DHX57: variants seen among roughly 807,000 people sequenced by gnomAD.
DHX57 encodes the protein DExH-box helicase 57.
Under a neutral mutation model 156.2 loss-of-function variants are expected in DHX57, and 105 were observed. The ratio of observed to expected loss-of-function variants is 0.67; its 90% confidence interval spans 0.57 to 0.79. The LOEUF (loss-of-function observed/expected upper bound fraction) is 0.79. Among genes scored for constraint, DHX57 ranks in the 30% least tolerant of loss-of-function variants. The pLI is 0.00. For synonymous variants in DHX57, 704 were observed against 595.6 expected (o/e 1.18, Z -2.65); for missense variants, 1,847 against 1,661.9 (o/e 1.11, Z -1.94).
chr2:38,860,594 A>G (rs945233326), intron 5 of DHX57, among the ~76,000 whole-genome samples: 1 of 152,238 alleles, frequency 6.6e-6, no homozygotes, highest in African/African-American at 2.4e-5. Context: ...GCAGGAGGGT[A>G]TGGATAGTGG....
At chr2:38,813,710 C>A (rs1670387723) in intron 21 of DHX57, 111 bp downstream of exon 21, 8 of 1,269,640 alleles carry the variant, frequency 6.3e-6, no homozygotes, top group Non-Finnish European at 9.0e-6. Context: ...TGCGTGTGTG[C>A]ACACATGCGT....
At chr2:38,861,995 T>C in intron 4 of DHX57, 150 bp downstream of exon 4, 1 of 1,193,308 alleles carries the variant, frequency 8.4e-7, no homozygotes, top group East Asian at 2.6e-5. Flanking sequence ...CCCCCCTGAA[T>C]GACCCCTTCT....
At chr2:38,838,169 G>C (rs1671783218) in intron 12 of DHX57, among the ~76,000 whole-genome samples, 1 of 152,142 alleles carries the variant, frequency 6.6e-6, no homozygotes, top group South Asian at 2.1e-4. Flanking sequence ...TGTGATCACA[G>C]CTCACTGCAG....
At chr2:38,836,043 G>T (rs946799986) in intron 13 of DHX57, among the ~76,000 whole-genome samples, 2 of 152,202 alleles carry the variant, frequency 1.3e-5, no homozygotes, top group African/African-American at 2.4e-5. Context: ...AAAAGAAGCA[G>T]CAGTGCCAGC....
At chr2:38,870,921 T>C (rs2124952593) in intron 1 of DHX57, among the ~76,000 whole-genome samples, 1 of 149,654 alleles carries the variant, frequency 6.7e-6, no homozygotes, top group Non-Finnish European at 1.5e-5. Flanking sequence ...CAACAAAAAA[T>C]AGTTAACCAA....
intron 22 of DHX57, 56 bp from the exon 23 acceptor site, chr2:38,802,971 C>CA: frequency 1.3e-6 from 2 of 1,595,548 alleles, no homozygotes; most frequent in Non-Finnish European, 1.7e-6. Flanking sequence ...AAAAAGGGAA[C>CA]AACCCCCCAG....
intron 13 of DHX57, among the ~76,000 whole-genome samples, chr2:38,833,849 T>A (rs1472050655): frequency 6.6e-6 from 1 of 150,992 alleles, no homozygotes; most frequent in African/African-American, 2.4e-5. Context: ...TGAAAAAAAA[T>A]TAAGAAAGAG....
intron 21 of DHX57, among the ~76,000 whole-genome samples, chr2:38,808,166 G>T (rs1016140385): frequency 6.8e-6 from 1 of 147,040 alleles, no homozygotes; most frequent in Non-Finnish European, 1.5e-5. Context: ...TGTTGGTCAG[G>T]ATGGTCTCGA....
At chr2:38,800,100 G>A (rs1270411151) in intron 23 of DHX57, among the ~76,000 whole-genome samples, 5 of 151,092 alleles carry the variant, frequency 3.3e-5, no homozygotes, top group African/African-American at 4.9e-5. Context: ...CAGGAGAATC[G>A]CTTGAACACG....
At position 38,861,729 on chromosome 2, in the gene DHX57, T is replaced by G; in HGVS notation, c.681A>C (p.Gly227=). 6.2e-7 allele frequency: 1 copy of G among 1,614,174 alleles called. No individual in the cohort carries two copies. The change falls in exon 5 of 24, where the codon GGA becomes GGC. Residue 227 remains glycine, a synonymous_variant. Coordinates refer to ENST00000457308, the MANE Select transcript of DHX57 (RefSeq NM_198963.3). ...CTGCCTCAGAGATCTTCATCCTCTC[T>G]CCAAATGTCTCTGAAAAACACTGGG... is the stretch of plus-strand genomic sequence containing the variant. ...LLTQCFSETF[G]ERMKISEAVN... is the part of the protein sequence containing the mutation.
intron 13 of DHX57, among the ~76,000 whole-genome samples, chr2:38,836,995 G>A (rs1400638215): frequency 6.6e-6 from 1 of 152,028 alleles, no homozygotes; most frequent in Non-Finnish European, 1.5e-5. Flanking sequence ...CTACAGGCAT[G>A]TGCCACCACG....
chr2:38,802,498 G>C (rs1473469732), intron 23 of DHX57, among the ~76,000 whole-genome samples: 1 of 152,044 alleles, frequency 6.6e-6, no homozygotes, highest in African/African-American at 2.4e-5. Context: ...ATGTTGGCCA[G>C]GCTGGTCTCG....
chr2:38,835,671 A>C (rs754118129), intron 13 of DHX57, among the ~76,000 whole-genome samples: 1 of 152,192 alleles, frequency 6.6e-6, no homozygotes, highest in Non-Finnish European at 1.5e-5. Flanking sequence ...AATGCTACGA[A>C]AGAGAATTCT....
Position 38,807,945 on chromosome 2 carries a change from CTTTTTTTTTT to C in DHX57, c.3682-1262_3682-1253del, listed in dbSNP as rs34221239. On this transcript the variant is annotated intron_variant, in intron 21 of 23. Transcript: ENST00000457308. ...ACAGGCGTGAGCCACTGTGTCTTGC[CTTTTTTTTTT>C]TTTTTTTTTTTTTTTTTTGAGATGG... Among the ~76,000 whole-genome samples, 242 of 54,242 alleles carry C rather than the reference CTTTTTTTTTT, an allele frequency of 4.5e-3. 1 individual carries two copies. The highest frequency in any genetic ancestry group is 0.016 in the Middle Eastern group (1 of 64). 35.6% of individuals were successfully genotyped at this position (54,242 alleles called of 152,430 possible).
chr2:38,819,967 C>T (rs753542763), intron 17 of DHX57, among the ~76,000 whole-genome samples: 1 of 152,176 alleles, frequency 6.6e-6, no homozygotes, highest in African/African-American at 2.4e-5. Flanking sequence ...TTTACACATA[C>T]CGATTCATTA....
intron 6 of DHX57, 26 bp downstream of exon 6, chr2:38,858,634 GT>G: frequency 6.3e-7 from 1 of 1,590,656 alleles, no homozygotes; most frequent in Non-Finnish European, 8.5e-7. Flanking sequence ...GGGAGGCAAC[GT>G]TACTCATTCT....
At chr2:38,856,559 A>C in intron 6 of DHX57, 98 bp from the exon 7 acceptor site, 2 of 1,425,586 alleles carry the variant, frequency 1.4e-6, no homozygotes, top group African/African-American at 1.5e-5. Flanking sequence ...GCTGGAGTGC[A>C]GTGGTGCGAT....
intron 6 of DHX57, 27 bp downstream of exon 6, chr2:38,858,634 G>T: frequency 6.3e-7 from 1 of 1,590,656 alleles, no homozygotes; most frequent in Non-Finnish European, 8.5e-7. Flanking sequence ...GGGAGGCAAC[G>T]TTACTCATTC....
chr2:38,831,602 C>T lies in DHX57; in HGVS notation c.2543-3166G>A, dbSNP rs577941251. On this transcript the variant is annotated intron_variant, in intron 13 of 23. Coordinates refer to ENST00000457308, the MANE Select transcript of DHX57 (RefSeq NM_198963.3). Reference sequence around the variant, plus strand: ...GGGCATGGTGGCTCACGCCTGTAATCCCAGCACTTTGGGAGGCCAAAGCGG... The same window carrying T: ...GGGCATGGTGGCTCACGCCTGTAATTCCAGCACTTTGGGAGGCCAAAGCGG... 5.7e-4 allele frequency among the ~76,000 whole-genome samples: 87 copies of T among 152,194 alleles called. 1 individual carries two copies. In the South Asian group the frequency reaches 0.014, roughly 24 times the overall value.
Sources: allele counts gnomAD v4.1 joint callset (sites outside exome capture counted in the v4.1 genomes callset), GRCh38; gene constraint gnomAD v4.1.1; transcripts MANE v1.5; gene names NCBI Gene and HGNC (gene_info 2026-07-23, HGNC 2026-07-21).